The following MYO9A variants were observed in gnomAD, a reference collection of about 807,000 sequenced individuals.
MYO9A encodes unconventional myosin-IXa.
MYO9A carries 103 observed loss-of-function variants against 293.3 expected under a neutral mutation model. The ratio of observed to expected loss-of-function variants is 0.35; its 90% CI spans 0.30 to 0.41. MYO9A has a LOEUF of 0.41. Ranked by LOEUF, MYO9A falls within the 10% of genes least tolerant of loss-of-function variation. The pLI, the probability that MYO9A is intolerant of heterozygous loss-of-function variation, is 1.00. For synonymous variants in MYO9A, 1,001 were observed against 1,035.7 expected (o/e 0.97, Z 0.64); for missense variants, 2,685 against 3,033.0 (o/e 0.89, Z 2.69).
At chr15:72,037,794 T>A (rs1490731408) in intron 2 of MYO9A, among the ~76,000 whole-genome samples, 1 of 151,956 alleles carries the variant, frequency 6.6e-6, no homozygotes, top group Non-Finnish European at 1.5e-5. Flanking sequence ...CACCAAAAAA[T>A]TAAGAGACAT....
intron 19 of MYO9A, among the ~76,000 whole-genome samples, chr15:71,906,876 G>A (rs1381950302): frequency 6.9e-6 from 1 of 145,032 alleles, no homozygotes; most frequent in Non-Finnish European, 1.5e-5. Context: ...CCATTCTCCT[G>A]CCTCAGCCTC....
chr15:71,969,726 T>C (rs1301597768), intron 12 of MYO9A, among the ~76,000 whole-genome samples: 2 of 152,056 alleles, frequency 1.3e-5, no homozygotes, highest in Non-Finnish European at 1.5e-5. Context: ...AAGATAGACA[T>C]GAAAACAGTC....
rs758106475 is a variant in MYO9A, at chr15:71,899,880, G to A, written c.3277C>T (p.Arg1093Trp). 7.4e-6 allele frequency: 12 copies of A among 1,613,976 alleles called. No homozygotes were observed. The highest frequency in any genetic ancestry group is 5.3e-5 in the African/African-American group (4 of 74,988). The change falls in exon 24 of 42, where the codon CGG becomes TGG. Residue 1093 changes from arginine (R) to tryptophan (W), a missense_variant. This residue lies in a region of MYO9A where 1,434 missense variants were observed against 1,497.7 expected (regional missense o/e 0.96). Transcript: ENST00000356056. ...GCTGCAGCCCGTAACTCCAAGTACC[G>A]CTGCCTCTCTAAGTGAGCACGCCAG... ...ASWRAHLERQ[R>W]YLELRAAAIV...
In MYO9A at chr15:71,898,055, G is replaced by T. The variant is rs1178967800; in HGVS notation, c.4448C>A (p.Ser1483Tyr). ...QIVPSLNTES[S>Y]NPVLKKLEKL... ...TTCTAACTTCTTAAGCACAGGATTAGAAGACTCTGTATTCAAAGAAGGAAC... is the reference window on the plus strand; with the variant it reads ...TTCTAACTTCTTAAGCACAGGATTATAAGACTCTGTATTCAAAGAAGGAAC... Residue 1483 changes from serine (S) to tyrosine (Y), a missense_variant, in exon 25 of 42, where the codon TCT becomes TAT. Coordinates refer to ENST00000356056, the MANE Select transcript of MYO9A (RefSeq NM_006901.4). The T allele has an allele frequency of 6.2e-7, 1 of 1,614,118 alleles. No individual in the cohort carries two copies.
intron 19 of MYO9A, among the ~76,000 whole-genome samples, chr15:71,908,342 T>C (rs1216799234): frequency 6.6e-6 from 1 of 152,176 alleles, no homozygotes; most frequent in Non-Finnish European, 1.5e-5. Context: ...TTTTTGTATT[T>C]TTAGTAGAGA....
intron 12 of MYO9A, chr15:71,972,278 T>A (rs555521273): frequency 6.6e-6 from 1 of 152,248 alleles, no homozygotes; most frequent in East Asian, 1.9e-4. Flanking sequence ...GGAGACTCTC[T>A]ACTCCTTCCC....
intron 1 of MYO9A, among the ~76,000 whole-genome samples, chr15:72,057,592 C>T (rs1337247753): frequency 6.6e-6 from 1 of 152,206 alleles, no homozygotes; most frequent in East Asian, 1.9e-4. Context: ...TTTCATTACT[C>T]TTAGCCACAG....
intron 1 of MYO9A, among the ~76,000 whole-genome samples, chr15:72,101,916 C>T (rs1190521085): frequency 4.3e-4 from 65 of 152,198 alleles, no homozygotes; most frequent in African/African-American, 1.4e-3. Flanking sequence ...AGGTGAGGGG[C>T]GCCTCTGCCC....
At chr15:72,112,593 T>G in intron 1 of MYO9A, among the ~76,000 whole-genome samples, 1 of 152,246 alleles carries the variant, frequency 6.6e-6, no homozygotes, top group Admixed American at 6.5e-5. Context: ...TATGTTATTT[T>G]GAACTTGTCT....
At chr15:71,980,654 T>C (rs941644590) in intron 11 of MYO9A, among the ~76,000 whole-genome samples, 14 of 152,016 alleles carry the variant, frequency 9.2e-5, no homozygotes, top group African/African-American at 3.1e-4. Flanking sequence ...GGACAACATA[T>C]TGAGACCCTG....
Position 72,050,715 on chromosome 15 carries a change from T to C in MYO9A, c.-71-4081A>G, listed in dbSNP as rs2078534528. Among the ~76,000 whole-genome samples, 3 of 152,334 alleles carry C rather than the reference T, an allele frequency of 2.0e-5. No homozygotes were observed. The South Asian group carries it at 6.2e-4, about 32-fold the overall frequency. ...AGTTGAGGAAATGCAGGTAATTCTG[T>C]TATTGCTGGTCCAGAAAATAGTATT... On this transcript the variant is annotated intron_variant, in intron 1 of 41. Transcript: ENST00000356056.
At chr15:71,904,276 T>C (rs1420201359) in intron 20 of MYO9A, among the ~76,000 whole-genome samples, 1 of 152,164 alleles carries the variant, frequency 6.6e-6, no homozygotes, top group African/African-American at 2.4e-5. Context: ...TCTCTGGTTG[T>C]GAAGAGAGAG....
At chr15:71,887,979 TG>T in intron 27 of MYO9A, 24 bp downstream of exon 27, 1 of 1,324,474 alleles carries the variant, frequency 7.6e-7, no homozygotes, top group Non-Finnish European at 1.1e-6. Flanking sequence ...ATATAACCCC[TG>T]TTAACTCCGT....
At chr15:72,017,010 C>CTTTTTTT (rs61153023) in intron 6 of MYO9A, among the ~76,000 whole-genome samples, 3 of 58,276 alleles carry the variant, frequency 5.1e-5, no homozygotes, top group Non-Finnish European at 9.1e-5. Flanking sequence ...GAGCCCAAAT[C>CTTTTTTT]TTTTTTTTTT....
chr15:71,826,859 T>C lies in MYO9A; in HGVS notation c.7368A>G (p.Lys2456=), dbSNP rs1265711624. ...GTRKLFQIYS[K]SPFYRAASGN... Reference sequence around the variant, plus strand: ...CTGAGGCAGCTCGGTAGAATGGAGATTTGGAATAAATCTGAAATAGTTTTC... The same window carrying C: ...CTGAGGCAGCTCGGTAGAATGGAGACTTGGAATAAATCTGAAATAGTTTTC... Residue 2456 remains lysine, a synonymous_variant, in exon 42 of 42, where the codon AAA becomes AAG. Transcript: ENST00000356056. The C allele has an allele frequency of 6.2e-7, 1 of 1,614,150 alleles. No homozygotes were observed. Among genetic ancestry groups the C allele is most frequent in the Admixed American group, 1.7e-5 (1 of 60,004 alleles).
chr15:72,026,895 G>A (rs909147386), intron 4 of MYO9A, among the ~76,000 whole-genome samples: 1 of 152,144 alleles, frequency 6.6e-6, no homozygotes, highest in Non-Finnish European at 1.5e-5. Flanking sequence ...TCTGACCACA[G>A]ATGAAACAAA....
At chr15:71,895,621 A>C (rs1362403179) in intron 25 of MYO9A, among the ~76,000 whole-genome samples, 1 of 152,126 alleles carries the variant, frequency 6.6e-6, no homozygotes, top group East Asian at 1.9e-4. Flanking sequence ...TGATTCTACA[A>C]AATGTTAATG....
At chr15:71,888,313 T>C (rs988133581) in intron 26 of MYO9A, 197 bp from the exon 27 acceptor site, 4 of 344,628 alleles carry the variant, frequency 1.2e-5, no homozygotes, top group African/African-American at 2.1e-5. Context: ...ACTTGGTCAA[T>C]GAAAATAAAC....
At chr15:72,101,374 C>A (rs1596575599) in intron 1 of MYO9A, among the ~76,000 whole-genome samples, 1 of 145,636 alleles carries the variant, frequency 6.9e-6, no homozygotes, top group Non-Finnish European at 1.5e-5. Flanking sequence ...GCCGCCCCAT[C>A]TGGGAGGTGA....
Sources: gnomAD v4.1 joint callset for allele counts (sites outside exome capture counted in the v4.1 genomes callset) on GRCh38, gnomAD v4.1.1 for gene constraint, gnomAD v4.1.1 regional missense constraint, MANE v1.5 for transcripts, NCBI Gene and HGNC (gene_info 2026-07-23, HGNC 2026-07-21) for gene names.